GALNT2: variants seen among roughly 807,000 people sequenced by gnomAD.
GALNT2 encodes the protein polypeptide N-acetylgalactosaminyltransferase 2.
A neutral mutation model predicts 81.4 loss-of-function variants in GALNT2; 31 were observed. The observed-to-expected ratio is 0.38, with a 90% CI of 0.29 to 0.51. GALNT2 has a LOEUF of 0.51. Among genes scored for constraint, GALNT2 ranks in the 20% least tolerant of loss-of-function variants. GALNT2 has a pLI of 0.87. For synonymous variants in GALNT2, 303 were observed against 287.4 expected, an observed-to-expected ratio of 1.05 and a Z score of -0.55; for missense variants, 629 against 765.7, an observed-to-expected ratio of 0.82 and a Z score of 2.11.
rs79055736 is a variant in GALNT2, at chr1:230,158,151, G to C, written c.127-20067G>C. Among the ~76,000 whole-genome samples, 34 of 152,262 alleles carry C rather than the reference G, an allele frequency of 2.2e-4. No homozygotes were observed. The East Asian group carries it at 5.8e-3, about 26-fold the overall frequency. On this transcript the variant is annotated intron_variant, in intron 1 of 15. Coordinates refer to ENST00000366672, the MANE Select transcript of GALNT2 (RefSeq NM_004481.5). Reference sequence around the variant, plus strand: ...ATTGAAAGGGAAATGTTTGCATGGGGCGTGGTGGAACACAGAGAGCCCTCG... The same window carrying C: ...ATTGAAAGGGAAATGTTTGCATGGGCCGTGGTGGAACACAGAGAGCCCTCG...
At chr1:230,147,152 G>C (rs60889480) in intron 1 of GALNT2, among the ~76,000 whole-genome samples, 1 of 152,262 alleles carries the variant, frequency 6.6e-6, no homozygotes, top group East Asian at 1.9e-4. Context: ...GCCAAGCTGG[G>C]GGAGATTTCA....
chr1:230,273,260 G>T (rs1045978174), intron 14 of GALNT2, among the ~76,000 whole-genome samples: 3 of 152,184 alleles, frequency 2.0e-5, no homozygotes, highest in Non-Finnish European at 4.4e-5. Flanking sequence ...ACATTTATTT[G>T]TGTGTCTTTC....
intron 1 of GALNT2, among the ~76,000 whole-genome samples, chr1:230,140,880 G>C (rs1039341701): frequency 4.6e-5 from 7 of 152,188 alleles, no homozygotes; most frequent in Admixed American, 4.6e-4. Context: ...TGTATTCAGA[G>C]GACCTCTTTT....
chr1:230,158,792 G>C (rs922184618), intron 1 of GALNT2, among the ~76,000 whole-genome samples: 1 of 152,174 alleles, frequency 6.6e-6, no homozygotes, highest in Non-Finnish European at 1.5e-5. Flanking sequence ...TCCCATCACA[G>C]ATAAAGATTT....
rs1002612249 is a variant in GALNT2, at chr1:230,275,658, C to T, written c.1560+1094C>T. On this transcript the variant is annotated intron_variant, in intron 15 of 15. Transcript: ENST00000366672. The surrounding 1 kb of genome is among the most constrained non-coding windows in gnomAD (Gnocchi z 5.5). Reference sequence around the variant, plus strand: ...ACGCCACATAGATATACAAGCACAACATATATACATGCCACATGTATACAT... The same window carrying T: ...ACGCCACATAGATATACAAGCACAATATATATACATGCCACATGTATACAT... Among the ~76,000 whole-genome samples the T allele has an allele frequency of 6.7e-6, 1 of 150,174 alleles. No individual in the cohort carries two copies. Among genetic ancestry groups the T allele is most frequent in the African/African-American group, 2.5e-5 (1 of 40,540 alleles).
chr1:230,121,402 G>C (rs1385438535), intron 1 of GALNT2, among the ~76,000 whole-genome samples: 1 of 152,212 alleles, frequency 6.6e-6, no homozygotes, highest in East Asian at 1.9e-4. Flanking sequence ...TGGCTTTCCT[G>C]CCCTCCCCTG....
In GALNT2 at chr1:230,253,480, C is replaced by T. The variant is rs1296868020; in HGVS notation, c.1010-1738C>T. Among the ~76,000 whole-genome samples, 6 of 152,308 alleles carry T rather than the reference C, an allele frequency of 3.9e-5. No individual in the cohort carries two copies. In the East Asian group the frequency reaches 1.2e-3, roughly 29 times the overall value. On this transcript the variant is annotated intron_variant, in intron 10 of 15. Coordinates refer to ENST00000366672, the MANE Select transcript of GALNT2 (RefSeq NM_004481.5). Reference sequence around the variant, plus strand: ...GTGATGGACCCACCCTATTTCTGATCAATCTGCATTGGTGACAGTGACTGC... The same window carrying T: ...GTGATGGACCCACCCTATTTCTGATTAATCTGCATTGGTGACAGTGACTGC...
intron 3 of GALNT2, among the ~76,000 whole-genome samples, chr1:230,219,731 T>C (rs1664491574): frequency 6.6e-6 from 1 of 152,210 alleles, no homozygotes; most frequent in African/African-American, 2.4e-5. Context: ...CTTTGCAAAG[T>C]GCTTGTGGCT....
chr1:230,100,255 A>G (rs1660362029), intron 1 of GALNT2, among the ~76,000 whole-genome samples: 2 of 151,048 alleles, frequency 1.3e-5, no homozygotes, highest in African/African-American at 2.4e-5. Flanking sequence ...GTTCTGCACC[A>G]GCTCTTTGCC....
chr1:230,095,988 G>A (rs1017189696), intron 1 of GALNT2, among the ~76,000 whole-genome samples: 1 of 152,222 alleles, frequency 6.6e-6, no homozygotes, highest in African/African-American at 2.4e-5. Flanking sequence ...TTTTGGGAGG[G>A]CTTTTGTGCA....
chr1:230,278,092 G>A (rs959039969), intron 15 of GALNT2, among the ~76,000 whole-genome samples: 4 of 150,742 alleles, frequency 2.7e-5, no homozygotes, highest in Non-Finnish European at 5.9e-5. Flanking sequence ...TTTTAAAGGG[G>A]GATTTTTCTG....
intron 3 of GALNT2, among the ~76,000 whole-genome samples, chr1:230,234,154 C>T (rs1293802999): frequency 6.6e-6 from 1 of 152,076 alleles, no homozygotes; most frequent in Non-Finnish European, 1.5e-5. Context: ...ATGAGTTAAT[C>T]TCTGGTTAAT....
chr1:230,129,251 T>C (rs1177268227), intron 1 of GALNT2, among the ~76,000 whole-genome samples: 1 of 152,248 alleles, frequency 6.6e-6, no homozygotes. Flanking sequence ...TCTGTTTCTT[T>C]AGACTTTTTT....
At position 230,197,786 on chromosome 1, in the gene GALNT2, G is replaced by A. The variant is rs188299253; in HGVS notation, c.221-5351G>A. Among the ~76,000 whole-genome samples, 378 of 152,146 alleles carry A rather than the reference G, an allele frequency of 2.5e-3. 6 individuals are homozygous for A. Among genetic ancestry groups the A allele is most frequent in the Non-Finnish European group, 4.9e-4 (33 of 68,000 alleles). ...TGTGCATGCGTGCGTACATGCGTGC[G>A]TGTGTGTGTTCTGCTGCTCCTCTGC... On this transcript the variant is annotated intron_variant, in intron 2 of 15. Coordinates refer to ENST00000366672, the MANE Select transcript of GALNT2 (RefSeq NM_004481.5).
At chr1:230,144,060 G>A (rs998166570) in intron 1 of GALNT2, among the ~76,000 whole-genome samples, 6 of 152,208 alleles carry the variant, frequency 3.9e-5, no homozygotes, top group African/African-American at 1.4e-4. Flanking sequence ...CAGCACCTGC[G>A]AGTGCTTGAC....
At chr1:230,066,458 G>A (rs1659183591), upstream of GALNT2, among the ~76,000 whole-genome samples, 1 of 152,166 alleles carries the variant, frequency 6.6e-6, no homozygotes, top group African/African-American at 2.4e-5. Context: ...ACCATTGATA[G>A]CTCTGTCACC....
At chr1:230,258,843 GC>G (rs1665795229) in intron 11 of GALNT2, 2 of 152,186 alleles carry the variant, frequency 1.3e-5, no homozygotes, top group Admixed American at 6.5e-5. Context: ...CCACACCAAA[GC>G]CATTGATACC....
chr1:230,277,082 C>G (rs979321505), intron 15 of GALNT2, among the ~76,000 whole-genome samples: 2 of 152,214 alleles, frequency 1.3e-5, no homozygotes, highest in Non-Finnish European at 2.9e-5. Context: ...GGAACCATAA[C>G]TGACACGGCT....
chr1:230,059,560 G>C (rs972307267), intron 1 of GALNT2, among the ~76,000 whole-genome samples: 16 of 152,220 alleles, frequency 1.1e-4, no homozygotes, highest in African/African-American at 3.9e-4. Context: ...GCAAGTTGTA[G>C]TATCTTTTAG....
Sources: gnomAD v4.1 joint callset for allele counts (sites outside exome capture counted in the v4.1 genomes callset) on GRCh38, gnomAD v4.1.1 for gene constraint, Gnocchi (gnomAD v3.1) non-coding constraint, MANE v1.5 for transcripts, NCBI Gene and HGNC (gene_info 2026-07-23, HGNC 2026-07-21) for gene names.